The following ST3GAL6 variants were observed in gnomAD, a reference collection of about 807,000 sequenced individuals.
ST3GAL6 encodes ST3 beta-galactoside alpha-2,3-sialyltransferase 6.
ST3GAL6 carries 31 observed loss-of-function variants against 40.5 expected under a neutral mutation model. That is an observed-to-expected ratio of 0.77 (90% CI 0.58 to 1.03). The LOEUF is 1.03. Ranked by LOEUF, ST3GAL6 falls within the 50% of genes least tolerant of loss-of-function variation. ST3GAL6 has a pLI of 0.00. For synonymous variants in ST3GAL6, 129 were observed against 136.9 expected (o/e 0.94, Z 0.40); for missense variants, 357 against 393.2 (o/e 0.91, Z 0.78).
intron 1 of ST3GAL6, among the ~76,000 whole-genome samples, chr3:98,735,542 G>A (rs1016086758): frequency 6.6e-6 from 1 of 152,118 alleles, no homozygotes; most frequent in East Asian, 1.9e-4. Context: ...TGTCTTCAAT[G>A]GGCATATTCC....
In ST3GAL6 at chr3:98,788,431, C is replaced by T; in HGVS notation, c.724C>T (p.Leu242Phe). 1 of 1,609,694 alleles carries T rather than the reference C, an allele frequency of 6.2e-7. No homozygotes were observed. The change falls in exon 8 of 10, where the codon CTT becomes TTT. Residue 242 changes from leucine to phenylalanine, a missense_variant. Transcript: ENST00000483910. Reference sequence around the variant, plus strand: ...TATCAGAACAGCAGCTTATGAACTGCTTCATTTTCCAAAAGTGTTTCCCAA... The same window carrying T: ...TATCAGAACAGCAGCTTATGAACTGTTTCATTTTCCAAAAGTGTTTCCCAA... Reference protein sequence around the residue: ...FIIRTAAYELLHFPKVFPKNQ... With the variant: ...FIIRTAAYELFHFPKVFPKNQ...
intron 6 of ST3GAL6, among the ~76,000 whole-genome samples, 155 bp from the exon 7 acceptor site, chr3:98,787,881 G>A (rs916493297): frequency 6.6e-6 from 1 of 152,174 alleles, no homozygotes; most frequent in African/African-American, 2.4e-5. Context: ...GATCTCCTTG[G>A]CCATTATGTG....
At chr3:98,749,471 C>T (rs1485266990) in intron 1 of ST3GAL6, among the ~76,000 whole-genome samples, 2 of 152,072 alleles carry the variant, frequency 1.3e-5, no homozygotes, top group Non-Finnish European at 2.9e-5. Context: ...TGATTGTTCA[C>T]CCTTAAGCTA....
At chr3:98,754,078 G>A (rs1559729375) in intron 1 of ST3GAL6, among the ~76,000 whole-genome samples, 1 of 152,192 alleles carries the variant, frequency 6.6e-6, no homozygotes, top group Non-Finnish European at 1.5e-5. Context: ...AAGAAATATA[G>A]TTTGTAAAGC....
intron 9 of ST3GAL6, 31 bp from the exon 10 acceptor site, chr3:98,793,644 G>A: frequency 6.9e-7 from 1 of 1,450,550 alleles, no homozygotes; most frequent in African/African-American, 1.4e-5. Flanking sequence ...GATTGGGAAA[G>A]AATGATGGTA....
At chr3:98,763,482 G>A in intron 1 of ST3GAL6, 43 bp downstream of exon 1, 6 of 1,288,832 alleles carry the variant, frequency 4.7e-6, no homozygotes, top group Non-Finnish European at 6.1e-6. Flanking sequence ...GAAGGTTGTG[G>A]CTTAAATCTA....
intron 1 of ST3GAL6, among the ~76,000 whole-genome samples, chr3:98,739,669 G>A (rs556537945): frequency 1.3e-5 from 2 of 152,336 alleles, no homozygotes; most frequent in South Asian, 4.1e-4. Context: ...GGTGGAGGAA[G>A]CAGATATAGG....
chr3:98,740,667 C>G (rs828591), intron 1 of ST3GAL6, among the ~76,000 whole-genome samples: 26,011 of 152,142 alleles, frequency 0.17, 2,313 homozygotes, highest in Middle Eastern at 0.19. Context: ...ATATCCACAT[C>G]ACAGTAATTG....
intron 1 of ST3GAL6, among the ~76,000 whole-genome samples, chr3:98,751,289 T>A (rs567855799): frequency 3.3e-5 from 5 of 152,284 alleles, no homozygotes; most frequent in South Asian, 2.1e-4. Flanking sequence ...GGATAGAAGA[T>A]GATGGAAACT....
intron 1 of ST3GAL6, among the ~76,000 whole-genome samples, chr3:98,752,561 T>C (rs1937088840): frequency 6.6e-6 from 1 of 152,154 alleles, no homozygotes; most frequent in African/African-American, 2.4e-5. Context: ...AACCTCCGCC[T>C]CCTGGGTTCA....
At chr3:98,757,030 T>G (rs1232079240) in intron 1 of ST3GAL6, among the ~76,000 whole-genome samples, 1 of 152,172 alleles carries the variant, frequency 6.6e-6, no homozygotes, top group East Asian at 1.9e-4. Flanking sequence ...CCTTCTAATT[T>G]TTTAGGCTGA....
intron 1 of ST3GAL6, among the ~76,000 whole-genome samples, chr3:98,751,564 A>T (rs1312010266): frequency 1.3e-5 from 2 of 152,220 alleles, no homozygotes; most frequent in Non-Finnish European, 2.9e-5. Context: ...TACTTAAAAA[A>T]ATTCTCTGTA....
intron 1 of ST3GAL6, among the ~76,000 whole-genome samples, chr3:98,743,371 A>G (rs1292502865): frequency 6.6e-6 from 1 of 151,990 alleles, no homozygotes; most frequent in African/African-American, 2.4e-5. Flanking sequence ...CCAGTTATAA[A>G]GCAGCCTCTT....
At chr3:98,770,752 G>T in intron 2 of ST3GAL6, 127 bp from the exon 3 acceptor site, 1 of 730,516 alleles carries the variant, frequency 1.4e-6, no homozygotes. Context: ...AAGAGGTGCA[G>T]GGAGTATTTT....
intron 1 of ST3GAL6, chr3:98,756,456 G>T: frequency 7.8e-7 from 1 of 1,289,682 alleles, no homozygotes; most frequent in Non-Finnish European, 1.0e-6. Flanking sequence ...AGCGTCCTGA[G>T]TCTTTGGCAG....
chr3:98,763,065 CT>C (rs1290206117), upstream of ST3GAL6: 1 of 985,228 alleles, frequency 1.0e-6, no homozygotes, highest in Non-Finnish European at 1.2e-6. Flanking sequence ...GGACTGAGGC[CT>C]TTCCATTCAT....
chr3:98,759,920 G>A (rs377638098), upstream of ST3GAL6, among the ~76,000 whole-genome samples: 3 of 152,204 alleles, frequency 2.0e-5, no homozygotes, highest in East Asian at 1.9e-4. Context: ...ATAGTAGATG[G>A]AAGGATGAGA....
intron 1 of ST3GAL6, among the ~76,000 whole-genome samples, chr3:98,735,687 C>T (rs967587072): frequency 3.9e-5 from 6 of 152,202 alleles, no homozygotes; most frequent in Admixed American, 2.6e-4. Context: ...TCTGTCCCAA[C>T]TGTGATGGAT....
chr3:98,748,879 A>G (rs1205078914), intron 1 of ST3GAL6, among the ~76,000 whole-genome samples: 5 of 152,144 alleles, frequency 3.3e-5, no homozygotes, highest in Non-Finnish European at 7.3e-5. Flanking sequence ...TCTGCCTGGA[A>G]TGTTCTTTCT....
Sources: gnomAD v4.1 joint callset for allele counts (sites outside exome capture counted in the v4.1 genomes callset) on GRCh38, gnomAD v4.1.1 for gene constraint, MANE v1.5 for transcripts, NCBI Gene and HGNC (gene_info 2026-07-23, HGNC 2026-07-21) for gene names.